Variants in IDUA observed in about 807,000 individuals in gnomAD.
The protein encoded by IDUA is iduronidase alpha-L-.
In IDUA, 65 loss-of-function variants were observed where a neutral mutation model predicts 68.9. That is an observed-to-expected ratio of 0.94 (90% CI 0.77 to 1.16). IDUA has a LOEUF of 1.16. Ranked by LOEUF, IDUA falls within the 50% of genes most tolerant of loss-of-function variation. The pLI, the probability that IDUA is intolerant of heterozygous loss-of-function variation, is 0.00. For missense variants in IDUA, 1,046 were observed against 938.0 expected, an observed-to-expected ratio of 1.12 and a Z score of -1.50; for synonymous variants, 529 against 433.6, an observed-to-expected ratio of 1.22 and a Z score of -2.73.
chr4:991,530 G>C lies in IDUA; in HGVS notation c.299+3581G>C, dbSNP rs1181077556. ...CCCGCGGGCGGTACTGACGCAGCCA[G>C]CGCGTGGCGGGGAGCAGGTCCTGCA... On this transcript the variant is annotated intron_variant, in intron 2 of 13. Transcript: ENST00000514224. 3 of 1,606,666 alleles carry C rather than the reference G, an allele frequency of 1.9e-6. No individual in the cohort carries two copies. The Admixed American group carries it at 5.0e-5, about 27-fold the overall frequency.
chr4:993,658 C>T (rs578091313), intron 2 of IDUA, among the ~76,000 whole-genome samples: 1 of 152,226 alleles, frequency 6.6e-6, no homozygotes, highest in Non-Finnish European at 1.5e-5. Flanking sequence ...CAGCGGGAGG[C>T]GGGGGCTCAG....
At chr4:988,602 G>A in intron 2 of IDUA, 1 of 1,376,790 alleles carries the variant, frequency 7.3e-7, no homozygotes, top group Non-Finnish European at 9.3e-7. Flanking sequence ...CAGCACTGTG[G>A]GCCAGCCTGT....
At position 1,004,334 on chromosome 4, in the gene IDUA, C is replaced by G; in HGVS notation, c.1903C>G (p.Pro635Ala). The G allele has an allele frequency of 6.2e-7, 1 of 1,611,810 alleles. No homozygotes were observed. The highest frequency in any genetic ancestry group is 8.5e-7 in the Non-Finnish European group (1 of 1,179,948). Residue 635 changes from proline (P) to alanine (A), a missense_variant, in exon 14 of 14, where the codon CCT becomes GCT. Pro to Ala is a conservative substitution (Grantham distance 27). Coordinates refer to ENST00000514224, the MANE Select transcript of IDUA (RefSeq NM_000203.5). The surrounding 1 kb of genome is among the most constrained non-coding windows in gnomAD (Gnocchi z 5.0). ...YWARPGPFSD[P>A]VPYLEVPVPR... Reference sequence around the variant, plus strand: ...GGCCCGACCAGGCCCCTTCTCGGACCCTGTGCCGTACCTGGAGGTCCCTGT... The same window carrying G: ...GGCCCGACCAGGCCCCTTCTCGGACGCTGTGCCGTACCTGGAGGTCCCTGT...
intron 10 of IDUA, 62 bp downstream of exon 10, chr4:1,003,219 C>T (rs945327655): frequency 4.6e-6 from 2 of 431,594 alleles, no homozygotes; most frequent in Non-Finnish European, 3.1e-6. Context: ...GGGTGGGGTC[C>T]GGGGCGGGGG....
rs780694854 is a variant in IDUA, at chr4:991,367, A to G, written c.299+3418A>G. ...ACATGCCGTGAGGTGCCCATGAGGA[A>G]GTAGATGAGGTTGGCGAAGAAGGAC... On this transcript the variant is annotated intron_variant, in intron 2 of 13. Transcript: ENST00000514224. 6 of 1,612,790 alleles carry G rather than the reference A, an allele frequency of 3.7e-6. No individual in the cohort carries two copies. The Admixed American group carries it at 1.0e-4, about 27-fold the overall frequency.
chr4:992,083 C>T, intron 2 of IDUA: 1 of 520,996 alleles, frequency 1.9e-6, no homozygotes, highest in East Asian at 4.8e-5. Flanking sequence ...ACCCTGTAGC[C>T]TCCTGAAGCT....
chr4:992,696 C>T (rs28536019), intron 2 of IDUA: 3,503 of 156,366 alleles, frequency 0.022, 144 homozygotes, highest in African/African-American at 0.079. Context: ...CACCCTGGGC[C>T]GGCAGAGCCG....
intron 2 of IDUA, chr4:988,287 C>G (rs752705868): frequency 8.6e-7 from 1 of 1,159,020 alleles, no homozygotes; most frequent in Non-Finnish European, 1.1e-6. Flanking sequence ...GAGGTCTCAT[C>G]GGTCACAGCA....
At chr4:987,639 A>C in intron 1 of IDUA, 170 bp from the exon 2 acceptor site, 1 of 1,447,838 alleles carries the variant, frequency 6.9e-7, no homozygotes, top group Non-Finnish European at 9.1e-7. Flanking sequence ...TTCCCCATGA[A>C]GATGGGACCT....
chr4:1,003,208 G>T (rs1262660966), intron 10 of IDUA, 51 bp downstream of exon 10: 3 of 1,292,444 alleles, frequency 2.3e-6, no homozygotes, highest in Admixed American at 4.2e-5. Flanking sequence ...GGGTCCCGGG[G>T]GGGTGGGGTC....
At chr4:1,001,102 C>G in intron 4 of IDUA, 113 bp downstream of exon 4, 1 of 785,954 alleles carries the variant, frequency 1.3e-6, no homozygotes, top group East Asian at 2.6e-5. Flanking sequence ...TGGGCAGGCG[C>G]AGGCCCTTGT....
At chr4:994,432 C>T (rs998135067) in intron 2 of IDUA, among the ~76,000 whole-genome samples, 8 of 150,706 alleles carry the variant, frequency 5.3e-5, no homozygotes, top group Admixed American at 1.3e-4. Context: ...CCCGCCACCG[C>T]GCCCGGCTAA....
In IDUA at chr4:1,001,965, G is replaced by A; in HGVS notation, c.793-17G>A. 1 of 1,575,338 alleles carries A rather than the reference G, an allele frequency of 6.3e-7. No homozygotes were observed. Among genetic ancestry groups the A allele is most frequent in the African/African-American group, 1.3e-5 (1 of 74,624 alleles). ...GCCGCGCTGACCCTGGTGGTGCTGA[G>A]GCGGCCCCGCCCGCAGGGTGCGCGC... On this transcript the variant is annotated splice_polypyrimidine_tract_variant and intron_variant, in intron 6 of 13. Coordinates refer to ENST00000514224, the MANE Select transcript of IDUA (RefSeq NM_000203.5).
In IDUA at chr4:1,002,052, C is replaced by G; in HGVS notation, c.863C>G (p.Pro288Arg). Reference protein sequence around the residue: ...VVAQQIRQLFPKFADTPIYND... With the variant: ...VVAQQIRQLFRKFADTPIYND... ...GCGCAGCAGATCCGGCAGCTCTTCC[C>G]CAAGTTCGCGGACACCCCCATTTAC... The change falls in exon 7 of 14, where the codon CCC becomes CGC. Residue 288 changes from proline (P) to arginine (R), a missense_variant. Transcript: ENST00000514224. 2 of 1,597,310 alleles carry G rather than the reference C, an allele frequency of 1.3e-6. No individual in the cohort carries two copies. The highest frequency in any genetic ancestry group is 8.5e-7 in the Non-Finnish European group (1 of 1,173,584).
At chr4:989,689 A>C in intron 2 of IDUA, 2 of 1,564,330 alleles carry the variant, frequency 1.3e-6, no homozygotes, top group South Asian at 2.3e-5. Context: ...GGCGCTGACC[A>C]CGCTGGACAG....
rs1472246458 is a variant in IDUA at position 987,083 on chromosome 4, C to T, written c.-2C>T. ...CCCCGCAGTCCCCGAGCACGCGTGGCCATGCGTCCCCTGCGCCCCCGCGCC... is the reference window on the plus strand; with the variant it reads ...CCCCGCAGTCCCCGAGCACGCGTGGTCATGCGTCCCCTGCGCCCCCGCGCC... On this transcript the variant is annotated 5_prime_UTR_variant, in exon 1 of 14. Transcript: ENST00000514224. 1.3e-6 allele frequency: 2 copies of T among 1,484,102 alleles called. No homozygotes were observed. The highest frequency in any genetic ancestry group is 2.9e-5 in the African/African-American group (2 of 68,640). 91.9% of individuals were successfully genotyped at this position (1,484,102 alleles called of 1,614,324 possible).
rs1715182456 is a variant in IDUA, at chr4:1,002,802, C to T, written c.1260C>T (p.Val420=). ...TVLDSNHTVG[V]LASAHRPQGP... Reference sequence around the variant, plus strand: ...TGGACAGCAACCACACGGTGGGCGTCCTGGCCAGCGCCCACCGCCCCCAGG... The same window carrying T: ...TGGACAGCAACCACACGGTGGGCGTTCTGGCCAGCGCCCACCGCCCCCAGG... Residue 420 remains valine, a synonymous_variant, in exon 9 of 14, where the codon GTC becomes GTT. Coordinates refer to ENST00000514224, the MANE Select transcript of IDUA (RefSeq NM_000203.5). 1.4e-6 allele frequency: 2 copies of T among 1,465,338 alleles called. No homozygotes were observed. The highest frequency in any genetic ancestry group is 1.5e-5 in the African/African-American group (1 of 67,992). The allele number at this position is 1,465,338 out of a possible 1,614,324, so 90.8% of individuals were successfully genotyped here. A position where few individuals can be genotyped will look rare whatever the true frequency, so the allele number is the denominator to read the frequency against.
chr4:988,211 C>T (rs1024601868), intron 2 of IDUA: 127 of 1,338,856 alleles, frequency 9.5e-5, no homozygotes, highest in Non-Finnish European at 1.2e-4. Context: ...CTGGTGCACC[C>T]GTGAGCATCC....
chr4:990,344 G>A lies in IDUA; in HGVS notation c.299+2395G>A, dbSNP rs764978474. On this transcript the variant is annotated intron_variant, in intron 2 of 13. Transcript: ENST00000514224. The stretch of plus-strand genomic sequence containing the variant: ...AGGTAGGCGGACACGAAGCCCAGCC[G>A]GAGGACGCCCATGAGGACCTGTGGA... 2.6e-5 allele frequency: 41 copies of A among 1,601,408 alleles called. No homozygotes were observed. In the East Asian group the frequency reaches 3.8e-4, roughly 15 times the overall value.
Sources: allele counts gnomAD v4.1 joint callset (sites outside exome capture counted in the v4.1 genomes callset), GRCh38; gene constraint gnomAD v4.1.1; non-coding constraint Gnocchi (gnomAD v3.1); transcripts MANE v1.5; gene names NCBI Gene and HGNC (gene_info 2026-07-23, HGNC 2026-07-21).